The following RASA1 variants were observed in gnomAD, a reference collection of about 807,000 sequenced individuals.
RASA1 encodes RAS p21 protein activator 1.
A neutral mutation model predicts 132.2 loss-of-function variants in RASA1; 25 were observed. The observed-to-expected ratio is 0.19, with a 90% confidence interval of 0.14 to 0.26. RASA1 has a LOEUF of 0.26. Among genes scored for constraint, RASA1 ranks in the 10% least tolerant of loss-of-function variants. The pLI, the probability that RASA1 is intolerant of heterozygous loss-of-function variation, is 1.00. For synonymous variants in RASA1, 477 were observed against 449.9 expected (o/e 1.06, Z -0.76); for missense variants, 964 against 1,299.2 (o/e 0.74, Z 3.97).
chr5:87,307,441 A>G (rs747046444), intron 1 of RASA1, among the ~76,000 whole-genome samples: 4 of 151,142 alleles, frequency 2.6e-5, no homozygotes, highest in Non-Finnish European at 4.4e-5. Context: ...AGCCTGGGCA[A>G]CAGAGCGAAA....
intron 1 of RASA1, among the ~76,000 whole-genome samples, chr5:87,302,192 T>C (rs1009657887): frequency 3.3e-5 from 5 of 152,178 alleles, no homozygotes; most frequent in African/African-American, 4.8e-5. Context: ...TCTACATTCT[T>C]GTGAACATTT....
intron 1 of RASA1, among the ~76,000 whole-genome samples, chr5:87,299,978 A>G (rs975301581): frequency 2.0e-5 from 3 of 152,146 alleles, no homozygotes; most frequent in African/African-American, 4.8e-5. Context: ...GAGTTATACT[A>G]TTTTCTTATA....
chr5:87,296,580 A>G (rs913421590), intron 1 of RASA1, among the ~76,000 whole-genome samples: 1 of 151,756 alleles, frequency 6.6e-6, no homozygotes, highest in East Asian at 1.9e-4. Flanking sequence ...TTCACATGGT[A>G]TAAATTTTTA....
intron 1 of RASA1, chr5:87,330,797 G>C (rs770991081): frequency 2.0e-5 from 9 of 460,994 alleles, no homozygotes; most frequent in Admixed American, 4.0e-5. Context: ...TCATGGAGTA[G>C]ATTATCTTAG....
Position 87,268,481 on chromosome 5 carries a change from G to T in RASA1, c.30G>T (p.Glu10Asp), listed in dbSNP as rs1024971030. The T allele has an allele frequency of 1.3e-6, 2 of 1,554,960 alleles. No individual in the cohort carries two copies. The highest frequency in any genetic ancestry group is 2.4e-5 in the East Asian group (1 of 41,772). The change falls in exon 1 of 25, where the codon GAG (glutamate) becomes GAT (aspartate). Residue 10 changes from glutamate to aspartate, a missense_variant. Glu to Asp is a conservative substitution (Grantham distance 45). Around this residue, in one of 6 missense-constraint regions of RASA1, gnomAD observed 326 missense variants for 275.8 expected, o/e 1.18. Coordinates refer to ENST00000274376, the MANE Select transcript of RASA1 (RefSeq NM_002890.3). MMAAEAGSE[E>D]GGPVTAGAGG... Reference sequence around the variant, plus strand: ...TGGCGGCCGAGGCCGGCAGTGAGGAGGGCGGCCCGGTAACAGCCGGAGCTG... The same window carrying T: ...TGGCGGCCGAGGCCGGCAGTGAGGATGGCGGCCCGGTAACAGCCGGAGCTG...
rs1165505600 is a variant in RASA1, at chr5:87,391,357, A to G, written c.*474A>G. The G allele has an allele frequency of 1.8e-5, 5 of 282,574 alleles. No homozygotes were observed. The highest frequency in any genetic ancestry group is 3.4e-5 in the Non-Finnish European group (5 of 147,016). 17.5% of individuals were successfully genotyped at this position (282,574 alleles called of 1,614,324 possible). On this transcript the variant is annotated 3_prime_UTR_variant, in exon 25 of 25. Coordinates refer to ENST00000274376, the MANE Select transcript of RASA1 (RefSeq NM_002890.3). ...TCCTGATTAGGAATATGACCATTTG[A>G]CTGTTCAATGATTATTTGTATTTAC...
chr5:87,273,496 G>A (rs1185741178), intron 1 of RASA1, among the ~76,000 whole-genome samples: 1 of 151,822 alleles, frequency 6.6e-6, no homozygotes, highest in African/African-American at 2.4e-5. Context: ...CTTCTGCAGG[G>A]TGAGGGGCAG....
chr5:87,272,293 C>T (rs1753880254), intron 1 of RASA1, among the ~76,000 whole-genome samples: 1 of 152,008 alleles, frequency 6.6e-6, no homozygotes, highest in South Asian at 2.1e-4. Context: ...AAAAAATACC[C>T]TCCATTTATA....
chr5:87,369,977 A>T, intron 12 of RASA1, 77 bp downstream of exon 12: 2 of 1,212,604 alleles, frequency 1.6e-6, no homozygotes, highest in Admixed American at 1.8e-5. Context: ...ATAGAAAATG[A>T]TCGCATTCAA....
chr5:87,307,706 G>A (rs1322711462), intron 1 of RASA1, among the ~76,000 whole-genome samples: 1 of 151,840 alleles, frequency 6.6e-6, no homozygotes, highest in Non-Finnish European at 1.5e-5. Flanking sequence ...TTTCTTCTTT[G>A]ATCAGTCTTA....
intron 13 of RASA1, among the ~76,000 whole-genome samples, chr5:87,373,673 A>T (rs559758558): frequency 1.3e-5 from 2 of 152,252 alleles, no homozygotes; most frequent in East Asian, 1.9e-4. Context: ...TAGTTTCTTT[A>T]GGTTTGTATC....
rs1039809938 is a variant in RASA1, at chr5:87,315,701, ATTATT to A, written c.540-15642_540-15638del. On this transcript the variant is annotated intron_variant, in intron 1 of 24. Coordinates refer to ENST00000274376, the MANE Select transcript of RASA1 (RefSeq NM_002890.3). ...AGAGGGTTGAACAACTGCTGTCAAGATTATTTTATGTGCTATTAAATAAGTAGCAC... is the reference window on the plus strand; with the variant it reads ...AGAGGGTTGAACAACTGCTGTCAAGATTATGTGCTATTAAATAAGTAGCAC... Among the ~76,000 whole-genome samples the A allele has an allele frequency of 1.6e-3, 240 of 152,284 alleles. 1 individual carries two copies. Among genetic ancestry groups the A allele is most frequent in the Middle Eastern group, 6.8e-3 (2 of 294 alleles).
intron 9 of RASA1, 21 bp downstream of exon 9, chr5:87,353,256 T>G (rs1416167470): frequency 1.9e-6 from 3 of 1,553,112 alleles, no homozygotes. Context: ...CATTTCTTAT[T>G]GCAATAATTA....
rs1306810120 is a variant in RASA1, at chr5:87,268,878, C to G, written c.427C>G (p.Leu143Val). The change falls in exon 1 of 25, where the codon CTG (leucine) becomes GTG (valine). Residue 143 changes from leucine to valine, a missense_variant. By Grantham distance (32) the Leu-to-Val change is conservative. Transcript: ENST00000274376. ...TCCCCCTCTGCCCCCTCCCCCTTAC[C>G]TGCCCCCTTTGGGGGCGGGCCTCGG... is the stretch of plus-strand genomic sequence containing the variant. The part of the protein sequence containing the change: ...GFPPLPPPPY[L>V]PPLGAGLGTV... The G allele has an allele frequency of 6.2e-7, 1 of 1,614,176 alleles. No homozygotes were observed. The highest frequency in any genetic ancestry group is 1.7e-5 in the Admixed American group (1 of 60,026).
At chr5:87,300,263 G>A (rs2112283255) in intron 1 of RASA1, among the ~76,000 whole-genome samples, 1 of 152,288 alleles carries the variant, frequency 6.6e-6, no homozygotes, top group South Asian at 2.1e-4. Flanking sequence ...TGTGGTCCCA[G>A]CTACTTGGGA....
intron 1 of RASA1, among the ~76,000 whole-genome samples, chr5:87,314,742 A>G (rs1756191941): frequency 6.7e-6 from 1 of 149,488 alleles, no homozygotes; most frequent in South Asian, 2.1e-4. Context: ...TGGTCATTTA[A>G]AAAAAAAAAG....
intron 19 of RASA1, 93 bp downstream of exon 19, chr5:87,379,943 A>C: frequency 8.0e-7 from 1 of 1,253,956 alleles, no homozygotes; most frequent in Non-Finnish European, 1.1e-6. Context: ...CTGTTGTCCT[A>C]ATATTATTAT....
intron 1 of RASA1, among the ~76,000 whole-genome samples, chr5:87,286,776 A>G (rs920978991): frequency 6.6e-6 from 1 of 151,304 alleles, no homozygotes; most frequent in African/African-American, 2.4e-5. Context: ...TAGATTTTAC[A>G]CCTGTGACCC....
At position 87,332,503 on chromosome 5, in the gene RASA1, A is replaced by G; in HGVS notation, c.693-4A>G. 1 of 1,605,524 alleles carries G rather than the reference A, an allele frequency of 6.2e-7. No individual in the cohort carries two copies. The highest frequency in any genetic ancestry group is 8.5e-7 in the Non-Finnish European group (1 of 1,173,092). On this transcript the variant is annotated splice_polypyrimidine_tract_variant and splice_region_variant and intron_variant, in intron 2 of 24. Coordinates refer to ENST00000274376, the MANE Select transcript of RASA1 (RefSeq NM_002890.3). ...TTATACTGTATTTTTTCCTGTTCAA[A>G]TAGGATTATTGCTATGTGTGGAGAT...
Sources: allele counts gnomAD v4.1 joint callset (sites outside exome capture counted in the v4.1 genomes callset), GRCh38; gene constraint gnomAD v4.1.1; regional missense constraint gnomAD v4.1.1; transcripts MANE v1.5; gene names NCBI Gene and HGNC (gene_info 2026-07-23, HGNC 2026-07-21).